SIK3: variants seen among roughly 807,000 people sequenced by gnomAD.
SIK3 encodes serine/threonine-protein kinase SIK3.
A neutral mutation model predicts 144.2 loss-of-function variants in SIK3; 28 were observed. The observed-to-expected ratio is 0.19, with a 90% CI of 0.14 to 0.27. SIK3 has a LOEUF of 0.27. SIK3 is among the 10% of genes least tolerant of loss of function. SIK3 has a pLI of 1.00. For missense variants in SIK3, 1,319 were observed against 1,776.0 expected (o/e 0.74, Z 4.62); for synonymous variants, 686 against 676.3 (o/e 1.01, Z -0.22).
Position 116,859,352 on chromosome 11 carries a change from T to G in SIK3, c.2678A>C (p.Gln893Pro). 1 of 1,614,170 alleles carries G rather than the reference T, an allele frequency of 6.2e-7. No individual in the cohort carries two copies. The highest frequency in any genetic ancestry group is 8.5e-7 in the Non-Finnish European group (1 of 1,180,020). The change falls in exon 20 of 25, where the codon CAG becomes CCG. Residue 893 changes from glutamine (Q) to proline (P), a missense_variant. By Grantham distance (76) the Gln-to-Pro change is moderately conservative. This residue lies in a region of SIK3 where 646 missense variants were observed against 763.7 expected (regional missense o/e 0.85). Transcript: ENST00000445177. ...GGTGGCCATCAGGTTGGTACGGTGC[T>G]GCATCTGCATCTGACCAGCACTGGG... The part of the protein sequence containing the change: ...ISPSAGQMQM[Q>P]HRTNLMATLS...
chr11:116,879,041 T>C (rs1338501109), intron 6 of SIK3, among the ~76,000 whole-genome samples: 1 of 152,230 alleles, frequency 6.6e-6, no homozygotes, highest in Non-Finnish European at 1.5e-5. Flanking sequence ...ATGTCTTTCT[T>C]TCTGTTGTAC....
intron 6 of SIK3, among the ~76,000 whole-genome samples, chr11:116,895,960 T>A (rs1180602240): frequency 6.6e-6 from 1 of 152,232 alleles, no homozygotes; most frequent in Non-Finnish European, 1.5e-5. Context: ...TTATCTCATT[T>A]AATCCTTACA....
intron 3 of SIK3, among the ~76,000 whole-genome samples, chr11:116,951,036 C>T (rs1591409774): frequency 2.6e-5 from 4 of 152,276 alleles, no homozygotes; most frequent in South Asian, 4.1e-4. Context: ...CACATGAAGG[C>T]GTAAGGAAGC....
At chr11:117,052,260 C>A (rs539369401) in intron 1 of SIK3, among the ~76,000 whole-genome samples, 1 of 152,092 alleles carries the variant, frequency 6.6e-6, no homozygotes, top group East Asian at 1.9e-4. Context: ...GGGTATTTTG[C>A]GAGGATTTTT....
chr11:116,946,391 C>A (rs1210057943), intron 3 of SIK3, among the ~76,000 whole-genome samples: 2 of 152,136 alleles, frequency 1.3e-5, no homozygotes, highest in African/African-American at 4.8e-5. Context: ...GCAGCATGAA[C>A]ATCAACATAT....
chr11:117,067,213 G>A (rs577660602), intron 1 of SIK3, among the ~76,000 whole-genome samples: 3 of 152,108 alleles, frequency 2.0e-5, no homozygotes, highest in East Asian at 3.9e-4. Context: ...ATACATCTAC[G>A]CAAAGCTGTA....
intron 1 of SIK3, among the ~76,000 whole-genome samples, chr11:117,068,101 T>C (rs1378558522): frequency 6.6e-6 from 1 of 152,068 alleles, no homozygotes. Context: ...GGCTACAAAG[T>C]CAAGTTATAC....
chr11:117,032,379 C>T (rs7938234), intron 1 of SIK3, among the ~76,000 whole-genome samples: 10,633 of 152,146 alleles, frequency 0.07, 646 homozygotes, highest in African/African-American at 0.16. Context: ...GTCCTATATA[C>T]GTTTTGTTAG....
At position 116,954,484 on chromosome 11, in the gene SIK3, A is replaced by T. The variant is rs573680845; in HGVS notation, c.391-377T>A. Among the ~76,000 whole-genome samples, 37 of 152,066 alleles carry T rather than the reference A, an allele frequency of 2.4e-4. No individual in the cohort carries two copies. The East Asian group carries it at 7.1e-3, about 29-fold the overall frequency. Reference sequence around the variant, plus strand: ...AAAATGCCCTATCAAATCAAAAAAAAAAAAACTAAAGCAAAAAGAAGCCTT... The same window carrying T: ...AAAATGCCCTATCAAATCAAAAAAATAAAAACTAAAGCAAAAAGAAGCCTT... On this transcript the variant is annotated intron_variant, in intron 2 of 24. Transcript: ENST00000445177.
intron 4 of SIK3, among the ~76,000 whole-genome samples, chr11:116,908,222 T>G (rs1946152343): frequency 1.3e-5 from 2 of 152,292 alleles, no homozygotes; most frequent in South Asian, 4.1e-4. Flanking sequence ...ACTCCTGTAA[T>G]CCCAGCATTC....
At chr11:116,938,258 A>AGG in intron 3 of SIK3, among the ~76,000 whole-genome samples, 1 of 47,924 alleles carries the variant, frequency 2.1e-5, no homozygotes, top group Non-Finnish European at 4.0e-5. Flanking sequence ...AAGAGGGGAG[A>AGG]AGAGAGGAGA....
chr11:117,053,605 C>T (rs1038573970), intron 1 of SIK3, among the ~76,000 whole-genome samples: 3 of 152,056 alleles, frequency 2.0e-5, no homozygotes, highest in Non-Finnish European at 2.9e-5. Context: ...CAGTCTGGCT[C>T]CAAACTCAGG....
chr11:116,880,906 T>C (rs1944508962), intron 6 of SIK3, among the ~76,000 whole-genome samples: 1 of 152,118 alleles, frequency 6.6e-6, no homozygotes, highest in Non-Finnish European at 1.5e-5. Context: ...GGCAGATTGC[T>C]TGAGGCTAGG....
At chr11:116,929,615 G>A (rs1947484904) in intron 3 of SIK3, among the ~76,000 whole-genome samples, 1 of 152,174 alleles carries the variant, frequency 6.6e-6, no homozygotes, top group South Asian at 2.1e-4. Context: ...CACATCAGTT[G>A]TCCCTGGACA....
At chr11:116,902,932 T>C (rs1945816411) in intron 4 of SIK3, among the ~76,000 whole-genome samples, 1 of 152,184 alleles carries the variant, frequency 6.6e-6, no homozygotes, top group South Asian at 2.1e-4. Flanking sequence ...TTATTATAAA[T>C]TGACGGTTTC....
At chr11:116,982,642 C>G (rs1278135883) in intron 1 of SIK3, among the ~76,000 whole-genome samples, 1 of 151,628 alleles carries the variant, frequency 6.6e-6, no homozygotes, top group Admixed American at 6.6e-5. Context: ...TATATGTGCT[C>G]ATACATTTTT....
At chr11:116,949,326 A>C (rs903303514) in intron 3 of SIK3, among the ~76,000 whole-genome samples, 2 of 152,216 alleles carry the variant, frequency 1.3e-5, no homozygotes, top group Admixed American at 1.3e-4. Flanking sequence ...CCTTGGGATC[A>C]CAGTGTTTTT....
chr11:117,027,746 C>T (rs1023112596), intron 1 of SIK3, among the ~76,000 whole-genome samples: 2 of 151,846 alleles, frequency 1.3e-5, no homozygotes, highest in Middle Eastern at 3.2e-3. Flanking sequence ...GGATTACAGA[C>T]GTGAGCCACT....
In SIK3 at chr11:116,861,919, A is replaced by G. The variant is rs755241670; in HGVS notation, c.2237T>C (p.Ile746Thr). The G allele has an allele frequency of 4.4e-5, 70 of 1,607,704 alleles. No homozygotes were observed. Among genetic ancestry groups the G allele is most frequent in the Non-Finnish European group, 5.4e-5 (64 of 1,176,876 alleles). ...AGGTGGAGATGGCTGAGGAGGACAGATAGAGTCCTAAAACATATATGGGGA... is the reference window on the plus strand; with the variant it reads ...AGGTGGAGATGGCTGAGGAGGACAGGTAGAGTCCTAAAACATATATGGGGA... ...QILQQQIQDS[I>T]CPPQPSPPLQ... Residue 746 changes from isoleucine (I) to threonine (T), a missense_variant, in exon 18 of 25, where the codon ATC (isoleucine) becomes ACC (threonine). By Grantham distance (89) the Ile-to-Thr change is moderately conservative. This residue lies in a region of SIK3 where 77 missense variants were observed against 141.9 expected (regional missense o/e 0.54). Transcript: ENST00000445177.
Sources: allele counts gnomAD v4.1 joint callset (sites outside exome capture counted in the v4.1 genomes callset), GRCh38; gene constraint gnomAD v4.1.1; regional missense constraint gnomAD v4.1.1; transcripts MANE v1.5; gene names NCBI Gene and HGNC (gene_info 2026-07-23, HGNC 2026-07-21).